The following ADGRL2 variants were observed in gnomAD, a reference collection of about 807,000 sequenced individuals.
ADGRL2 encodes adhesion G protein-coupled receptor L2.
Under a neutral mutation model 157.4 loss-of-function variants are expected in ADGRL2, and 44 were observed. The observed-to-expected ratio is 0.28, with a 90% CI of 0.22 to 0.36. ADGRL2 has a LOEUF of 0.36. Among genes scored for constraint, ADGRL2 ranks in the 10% least tolerant of loss-of-function variants. ADGRL2 has a pLI of 1.00. For synonymous variants in ADGRL2, 585 were observed against 624.7 expected (o/e 0.94, Z 0.95); for missense variants, 1,510 against 1,768.9 (o/e 0.85, Z 2.63).
At chr1:81,683,683 G>A (rs1419564541) in intron 3 of ADGRL2, among the ~76,000 whole-genome samples, 2 of 151,854 alleles carry the variant, frequency 1.3e-5, no homozygotes, top group African/African-American at 4.8e-5. Flanking sequence ...ATGTATGTAC[G>A]TATGTATATA....
chr1:81,896,163 A>G (rs2094384225), intron 2 of ADGRL2, among the ~76,000 whole-genome samples: 1 of 152,152 alleles, frequency 6.6e-6, no homozygotes, highest in Non-Finnish European at 1.5e-5. Context: ...CTTATTCTGT[A>G]ATTGTTTGCT....
intron 1 of ADGRL2, among the ~76,000 whole-genome samples, chr1:81,374,883 C>T (rs1202714808): frequency 6.6e-6 from 1 of 152,194 alleles, no homozygotes; most frequent in African/African-American, 2.4e-5. Flanking sequence ...TGATGCAAGA[C>T]AGTACTGAAG....
rs57914664 is a variant in ADGRL2, at chr1:81,682,131, G to GTGTGTGTGTA, written c.-142-79679_-142-79678insGTGTGTGTAT. Among the ~76,000 whole-genome samples, 72 of 146,118 alleles carry GTGTGTGTGTA rather than the reference G, an allele frequency of 4.9e-4. 3 individuals are homozygous for GTGTGTGTGTA. Among genetic ancestry groups the GTGTGTGTGTA allele is most frequent in the Non-Finnish European group, 1.4e-4 (9 of 65,540 alleles). ...TGTGTGTGTGTGTGTGTGTGTGTGT[G>GTGTGTGTGTA]TATTTTTCTTTTTCTTTGCCATTGC... On this transcript the variant is annotated intron_variant, in intron 3 of 24. Coordinates refer to the ADGRL2 transcript ENST00000370721.
chr1:81,725,981 T>TAAAACAAAAC (rs146873952), intron 1 of ADGRL2, among the ~76,000 whole-genome samples: 5 of 151,796 alleles, frequency 3.3e-5, no homozygotes, highest in East Asian at 3.9e-4. Flanking sequence ...AGACCATGTC[T>TAAAACAAAAC]AAAACAAAAC....
At position 81,945,868 on chromosome 1, in the gene ADGRL2, T is replaced by TTC. The variant is rs3838455; in HGVS notation, c.1210+2119_1210+2120dup. Among the ~76,000 whole-genome samples, 288 of 150,348 alleles carry TTC rather than the reference T, an allele frequency of 1.9e-3. 1 individual carries two copies. Among genetic ancestry groups the TTC allele is most frequent in the East Asian group, 0.015 (74 of 5,082 alleles). ...CTCACTGCTGTTTGACCCATATTCA[T>TTC]TCTCTCTCTCTCTCTCTCTCTTTGT... On this transcript the variant is annotated intron_variant, in intron 6 of 23. Transcript: ENST00000686636.
At chr1:81,434,105 A>G (rs1484169250) in intron 1 of ADGRL2, among the ~76,000 whole-genome samples, 1 of 152,186 alleles carries the variant, frequency 6.6e-6, no homozygotes, top group African/African-American at 2.4e-5. Context: ...CTATGCATCA[A>G]GCAAGTCAAT....
intron 1 of ADGRL2, among the ~76,000 whole-genome samples, chr1:81,409,076 C>A (rs901819744): frequency 6.6e-6 from 1 of 152,196 alleles, no homozygotes; most frequent in Non-Finnish European, 1.5e-5. Context: ...CACACACACA[C>A]CTAATAATCT....
chr1:81,836,103 C>T (rs950659472), intron 1 of ADGRL2, among the ~76,000 whole-genome samples: 2 of 151,896 alleles, frequency 1.3e-5, no homozygotes, highest in Admixed American at 6.6e-5. Context: ...GTGACAGCAT[C>T]GAAATGATGT....
intron 2 of ADGRL2, among the ~76,000 whole-genome samples, chr1:81,494,619 C>T (rs907785831): frequency 1.3e-4 from 20 of 152,106 alleles, no homozygotes; most frequent in African/African-American, 4.8e-4. Flanking sequence ...GCCTGATACC[C>T]AGAAGTCTTG....
intron 3 of ADGRL2, among the ~76,000 whole-genome samples, chr1:81,669,532 C>G (rs2082823269): frequency 6.6e-6 from 1 of 152,066 alleles, no homozygotes; most frequent in African/African-American, 2.4e-5. Flanking sequence ...TGGTCCTTGT[C>G]CTCATGAAGC....
At chr1:81,773,052 G>T (rs61775269) in intron 2 of ADGRL2, among the ~76,000 whole-genome samples, 21,627 of 152,136 alleles carry the variant, frequency 0.14, 1,825 homozygotes, top group South Asian at 0.21. Context: ...AGCCCCTGAT[G>T]GTGCTTATAG....
chr1:81,522,458 C>G (rs1272163109), intron 2 of ADGRL2, among the ~76,000 whole-genome samples: 1 of 152,136 alleles, frequency 6.6e-6, no homozygotes, highest in African/African-American at 2.4e-5. Flanking sequence ...CATGTCAGTT[C>G]AAGAGCTCTT....
At chr1:81,618,122 C>T (rs2081704642) in intron 3 of ADGRL2, among the ~76,000 whole-genome samples, 2 of 151,906 alleles carry the variant, frequency 1.3e-5, no homozygotes, top group African/African-American at 4.8e-5. Context: ...CTCGGGAAGC[C>T]AGGGAAAGTA....
At chr1:81,727,869 C>CT (rs1028458303) in intron 1 of ADGRL2, among the ~76,000 whole-genome samples, 20 of 151,456 alleles carry the variant, frequency 1.3e-4, no homozygotes, top group East Asian at 5.8e-4. Flanking sequence ...AGGTTATGGA[C>CT]TTTTTTTAAC....
chr1:81,595,663 C>G (rs375949612), intron 3 of ADGRL2, among the ~76,000 whole-genome samples: 1 of 152,140 alleles, frequency 6.6e-6, no homozygotes. Context: ...TTCTTCATTC[C>G]GTTAATAAAA....
rs531903174 is a variant in ADGRL2 at position 81,557,077 on chromosome 1, G to A, written c.-247-23799G>A. On this transcript the variant is annotated intron_variant, in intron 2 of 24. Transcript: ENST00000370721. The stretch of plus-strand genomic sequence containing the variant: ...AGAAGAGATGTGTGGCAAACTTCAC[G>A]AAGCAGCCCACTCTCAGGCTGACCA... 53 of 183,122 alleles carry A rather than the reference G, an allele frequency of 2.9e-4. 1 individual carries two copies. In the South Asian group the frequency reaches 6.0e-3, roughly 21 times the overall value. The allele number at this position is 183,122 out of a possible 1,614,324, so 11.3% of individuals were successfully genotyped here. A position where few individuals can be genotyped will look rare whatever the true frequency, so the allele number is the denominator to read the frequency against.
At chr1:81,439,175 C>G (rs2077462758) in intron 1 of ADGRL2, among the ~76,000 whole-genome samples, 1 of 152,320 alleles carries the variant, frequency 6.6e-6, no homozygotes, top group Middle Eastern at 3.4e-3. Flanking sequence ...CCAAATTTAA[C>G]TCTGTGCCCA....
chr1:81,980,156 C>G (rs902857875), intron 18 of ADGRL2, among the ~76,000 whole-genome samples, 196 bp downstream of exon 18: 1 of 151,634 alleles, frequency 6.6e-6, no homozygotes, highest in African/African-American at 2.4e-5. Flanking sequence ...CTGTCTTGAT[C>G]TAGAGCCAAT....
intron 1 of ADGRL2, among the ~76,000 whole-genome samples, chr1:81,323,168 T>C (rs528840667): frequency 6.6e-6 from 1 of 152,218 alleles, no homozygotes; most frequent in Admixed American, 6.5e-5. Flanking sequence ...TATAAACATA[T>C]ATTAATTGCC....
Sources: gnomAD v4.1 joint callset for allele counts (sites outside exome capture counted in the v4.1 genomes callset) on GRCh38, gnomAD v4.1.1 for gene constraint, MANE v1.5 for transcripts, NCBI Gene and HGNC (gene_info 2026-07-23, HGNC 2026-07-21) for gene names.